PLA2R1: variants seen among roughly 807,000 people sequenced by gnomAD.
PLA2R1 encodes secretory phospholipase A2 receptor.
Under a neutral mutation model 195.9 loss-of-function variants are expected in PLA2R1, and 158 were observed. That is an observed-to-expected ratio of 0.81 (90% CI 0.71 to 0.92). The LOEUF (loss-of-function observed/expected upper bound fraction) is 0.92. PLA2R1 is among the 40% of genes least tolerant of loss of function. The pLI, the probability that PLA2R1 is intolerant of heterozygous loss-of-function variation, is 0.00. For missense variants in PLA2R1, 1,626 were observed against 1,764.6 expected (o/e 0.92, Z 1.41); for synonymous variants, 586 against 598.2 (o/e 0.98, Z 0.30).
intron 1 of PLA2R1, among the ~76,000 whole-genome samples, chr2:160,047,958 T>C (rs929269567): frequency 2.0e-5 from 3 of 152,194 alleles, no homozygotes; most frequent in African/African-American, 7.2e-5. Flanking sequence ...CCTGAGTAGC[T>C]GGGATTACAG....
intron 12 of PLA2R1, 145 bp from the exon 13 acceptor site, chr2:159,984,218 T>C (rs1690167883): frequency 2.1e-6 from 1 of 481,716 alleles, no homozygotes; most frequent in Admixed American, 3.6e-5. Flanking sequence ...TAATATTTAC[T>C]GAATTAGAAT....
intron 25 of PLA2R1, among the ~76,000 whole-genome samples, 154 bp downstream of exon 25, chr2:159,949,454 T>C (rs1687586804): frequency 6.6e-6 from 1 of 152,224 alleles, no homozygotes; most frequent in South Asian, 2.1e-4. Context: ...TATCATTTTG[T>C]AGTTCTGTTA....
chr2:159,970,062 C>A (rs915385075), intron 18 of PLA2R1, 86 bp downstream of exon 18: 1 of 862,518 alleles, frequency 1.2e-6, no homozygotes, highest in Non-Finnish European at 1.9e-6. Flanking sequence ...GGGTATTCAA[C>A]AAATTGATCA....
rs1328797764 is a variant in PLA2R1, at chr2:159,942,108, T to C, written c.4177+19A>G. 6.2e-7 allele frequency: 1 copy of C among 1,606,692 alleles called. No homozygotes were observed. The highest frequency in any genetic ancestry group is 1.1e-5 in the South Asian group (1 of 90,756). On this transcript the variant is annotated intron_variant, in intron 29 of 29. Coordinates refer to ENST00000283243, the MANE Select transcript of PLA2R1 (RefSeq NM_007366.5). Reference sequence around the variant, plus strand: ...ATTTCTAAGAAAAATCAAAATGTTTTGTATGGTTTCAAACGTACCTTTTTC... The same window carrying C: ...ATTTCTAAGAAAAATCAAAATGTTTCGTATGGTTTCAAACGTACCTTTTTC...
intron 3 of PLA2R1, among the ~76,000 whole-genome samples, chr2:160,035,305 G>A (rs934820140): frequency 1.1e-4 from 16 of 152,184 alleles, no homozygotes; most frequent in African/African-American, 3.1e-4. Context: ...TGTTGTCATA[G>A]ACACTGTGAT....
At position 159,977,469 on chromosome 2, in the gene PLA2R1, CA is replaced by C. The variant is rs1574716891; in HGVS notation, c.2269-54del. On this transcript the variant is annotated intron_variant, in intron 14 of 29. Coordinates refer to ENST00000283243, the MANE Select transcript of PLA2R1 (RefSeq NM_007366.5). ...TAATGATGATCCCCCCACAAAGTTTCAAAAGATCAAAAAGGGCATCCCTGTA... is the reference window on the plus strand; with the variant it reads ...TAATGATGATCCCCCCACAAAGTTTCAAAGATCAAAAAGGGCATCCCTGTA... The C allele has an allele frequency of 1.9e-6, 3 of 1,561,302 alleles. No homozygotes were observed. The East Asian group carries it at 6.8e-5, about 35-fold the overall frequency.
chr2:160,005,467 C>CAAACAAAT (rs1259549432), intron 11 of PLA2R1, among the ~76,000 whole-genome samples, 185 bp downstream of exon 11: 15 of 151,410 alleles, frequency 9.9e-5, no homozygotes, highest in African/African-American at 3.7e-4. Context: ...AACAAACAAA[C>CAAACAAAT]AAATAAAATA....
At chr2:160,023,764 C>A (rs189130111) in intron 6 of PLA2R1, among the ~76,000 whole-genome samples, 39 of 152,308 alleles carry the variant, frequency 2.6e-4, no homozygotes, top group Non-Finnish European at 3.7e-4. Context: ...CTCATCCCTG[C>A]CACAGGAACA....
chr2:159,931,425 T>C (rs942047142), downstream of PLA2R1, among the ~76,000 whole-genome samples: 1 of 152,138 alleles, frequency 6.6e-6, no homozygotes, highest in African/African-American at 2.4e-5. Flanking sequence ...GCCCAGCTAC[T>C]CAGGAGGCTG....
intron 23 of PLA2R1, among the ~76,000 whole-genome samples, chr2:159,952,773 T>A (rs1251945697): frequency 6.6e-6 from 1 of 152,208 alleles, no homozygotes; most frequent in Non-Finnish European, 1.5e-5. Context: ...CTATGAATGT[T>A]GCTTCTTGCT....
At chr2:160,018,598 C>T (rs988717996) in intron 8 of PLA2R1, among the ~76,000 whole-genome samples, 1 of 151,920 alleles carries the variant, frequency 6.6e-6, no homozygotes, top group African/African-American at 2.4e-5. Context: ...CACCACTGCA[C>T]TCCAGCCTGG....
downstream of PLA2R1, among the ~76,000 whole-genome samples, chr2:159,930,387 G>T (rs1159924874): frequency 6.8e-6 from 1 of 147,360 alleles, no homozygotes; most frequent in Non-Finnish European, 1.5e-5. Context: ...CAGCCTGGGA[G>T]ACAGAGCGAG....
chr2:159,933,846 G>C lies in PLA2R1; in HGVS notation c.*7932C>G, dbSNP rs1023310652. Reference sequence around the variant, plus strand: ...CAGGGGTTGGCAAACTTCCTGTAAGGGTCCAGAAAGTAAATATTTTAGGCT... The same window carrying C: ...CAGGGGTTGGCAAACTTCCTGTAAGCGTCCAGAAAGTAAATATTTTAGGCT... On this transcript the variant is annotated 3_prime_UTR_variant, in exon 30 of 30. Transcript: ENST00000283243. 1.3e-5 allele frequency: 2 copies of C among 152,118 alleles called. No homozygotes were observed. Among genetic ancestry groups the C allele is most frequent in the African/African-American group, 4.8e-5 (2 of 41,422 alleles). 9.4% of individuals were successfully genotyped at this position (152,118 alleles called of 1,614,324 possible).
At position 159,936,708 on chromosome 2, in the gene PLA2R1, A is replaced by C. The variant is rs1447010342; in HGVS notation, c.*5070T>G. ...GGAAGTGCCACGTGTTTCTTCCTAA[A>C]CCTGGGAACTTAACAGTTCTCTAGT... On this transcript the variant is annotated 3_prime_UTR_variant, in exon 30 of 30. Transcript: ENST00000283243. The C allele has an allele frequency of 6.6e-6, 1 of 152,142 alleles. No individual in the cohort carries two copies. The highest frequency in any genetic ancestry group is 1.5e-5 in the Non-Finnish European group (1 of 68,034). The allele number at this position is 152,142 out of a possible 1,614,324, so 9.4% of individuals were successfully genotyped here.
intron 20 of PLA2R1, among the ~76,000 whole-genome samples, chr2:159,964,666 T>A (rs1412950799): frequency 2.0e-5 from 3 of 152,148 alleles, no homozygotes; most frequent in African/African-American, 7.2e-5. Context: ...GCCACTGAGC[T>A]CACTGTGTCA....
intron 1 of PLA2R1, among the ~76,000 whole-genome samples, chr2:160,048,484 A>C (rs1039556318): frequency 4.6e-5 from 7 of 152,326 alleles, no homozygotes; most frequent in Non-Finnish European, 8.8e-5. Context: ...TAATCTCCAT[A>C]AATTCACTGA....
At chr2:160,039,954 T>C (rs1414611743) in intron 3 of PLA2R1, among the ~76,000 whole-genome samples, 2 of 151,844 alleles carry the variant, frequency 1.3e-5, no homozygotes, top group African/African-American at 4.8e-5. Context: ...TTGTAGTTTT[T>C]TTTTTGAAGT....
intron 17 of PLA2R1, 44 bp downstream of exon 17, chr2:159,976,024 G>T: frequency 1.2e-5 from 16 of 1,332,980 alleles, no homozygotes; most frequent in Non-Finnish European, 1.4e-5. Context: ...GGCAAAAGAA[G>T]GTGCTAAACT....
Position 159,964,160 on chromosome 2 carries a change from A to G in PLA2R1, c.2904+3379T>C, listed in dbSNP as rs1688633960. On this transcript the variant is annotated intron_variant, in intron 20 of 29. Transcript: ENST00000283243. ...CAGACACAAGGACAAATATTGTATG[A>G]GTTCGCTAATATGAAATATCTAGAA... Among the ~76,000 whole-genome samples, 3 of 152,222 alleles carry G rather than the reference A, an allele frequency of 2.0e-5. No individual in the cohort carries two copies. In the South Asian group the frequency reaches 6.2e-4, roughly 31 times the overall value.
Sources: gnomAD v4.1 joint callset for allele counts (sites outside exome capture counted in the v4.1 genomes callset) on GRCh38, gnomAD v4.1.1 for gene constraint, MANE v1.5 for transcripts, NCBI Gene and HGNC (gene_info 2026-07-23, HGNC 2026-07-21) for gene names.